Variants in PRIM2 observed in about 807,000 individuals in gnomAD.
The protein encoded by PRIM2 is DNA primase large subunit.
Under a neutral mutation model 67.3 loss-of-function variants are expected in PRIM2, and 39 were observed. The observed-to-expected ratio is 0.58, with a 90% confidence interval of 0.45 to 0.76. The LOEUF (loss-of-function observed/expected upper bound fraction) is 0.76. Ranked by LOEUF, PRIM2 falls within the 30% of genes least tolerant of loss-of-function variation. PRIM2 has a pLI of 0.00. For synonymous variants in PRIM2, 143 were observed against 198.7 expected, an observed-to-expected ratio of 0.72 and a Z score of 2.36; for missense variants, 398 against 598.7, an observed-to-expected ratio of 0.66 and a Z score of 3.50.
chr6:57,233,640 T>G, the PRIM2 span, among the ~76,000 whole-genome samples: 1 of 80,176 alleles, frequency 1.2e-5, no homozygotes, highest in African/African-American at 5.0e-5. Context: ...CCTCCCTCCC[T>G]CCCTTCCTTC....
At chr6:57,574,334 G>A (rs1440268117) in intron 10 of PRIM2, among the ~76,000 whole-genome samples, 3 of 151,752 alleles carry the variant, frequency 2.0e-5, no homozygotes, top group Non-Finnish European at 4.4e-5. Context: ...CACTTGCTTG[G>A]GCCGCTGCCA....
At chr6:57,375,383 A>G (rs1453385245) in intron 5 of PRIM2, among the ~76,000 whole-genome samples, 4 of 152,192 alleles carry the variant, frequency 2.6e-5, no homozygotes, top group African/African-American at 4.8e-5. Context: ...TGATTTGTGT[A>G]TGTTGAACCA....
Position 57,646,684 on chromosome 6 carries a change from G to GTGA in PRIM2, c.*529_*531dup, listed in dbSNP as rs1777342322. 6.6e-6 allele frequency: 1 copy of GTGA among 152,364 alleles called. No homozygotes were observed. Among genetic ancestry groups the GTGA allele is most frequent in the Non-Finnish European group, 1.5e-5 (1 of 68,198 alleles). 9.4% of individuals were successfully genotyped at this position (152,364 alleles called of 1,614,324 possible). ...GTTTCTATTAAAATCTGTCACTTGA[G>GTGA]TGATGTCATTTAAGTCCTATTTTAG... On this transcript the variant is annotated 3_prime_UTR_variant, in exon 14 of 14. Transcript: ENST00000615550.
intron 7 of PRIM2, among the ~76,000 whole-genome samples, chr6:57,459,201 G>C (rs1302004960): frequency 1.3e-5 from 2 of 152,196 alleles, no homozygotes; most frequent in Non-Finnish European, 2.9e-5. Flanking sequence ...TCACAGTTAT[G>C]ATGTGAGGAT....
At chr6:57,346,800 G>A (rs1768692103) in intron 5 of PRIM2, among the ~76,000 whole-genome samples, 2 of 152,254 alleles carry the variant, frequency 1.3e-5, no homozygotes, top group South Asian at 4.1e-4. Context: ...GAGGGCAAAT[G>A]GAGTTGTAAA....
chr6:57,289,944 C>A, the PRIM2 span, among the ~76,000 whole-genome samples: 1 of 152,086 alleles, frequency 6.6e-6, no homozygotes, highest in African/African-American at 2.4e-5. Context: ...GGACCAAATT[C>A]ACACATAACA....
chr6:57,619,961 C>G (rs2127496665), intron 12 of PRIM2, among the ~76,000 whole-genome samples: 1 of 152,278 alleles, frequency 6.6e-6, no homozygotes, highest in Admixed American at 6.5e-5. Context: ...CTTTGGGAGG[C>G]TGAGGCAGAT....
chr6:57,275,316 T>C, the PRIM2 span, among the ~76,000 whole-genome samples: 6 of 152,012 alleles, frequency 3.9e-5, no homozygotes, highest in South Asian at 2.1e-4. Context: ...TGAAACCCTG[T>C]CTCTACTAAA....
rs36197819 is a variant in PRIM2, at chr6:57,425,365, G to A, written c.693+43197G>A. Among the ~76,000 whole-genome samples the A allele has an allele frequency of 4.7e-4, 72 of 152,062 alleles. 1 individual carries two copies. The highest frequency in any genetic ancestry group is 1.2e-3 in the African/African-American group (49 of 41,508). On this transcript the variant is annotated intron_variant, in intron 7 of 13. Transcript: ENST00000615550. ...CTCCCAAGTAACTGGGACTACAGGC[G>A]CACATCACACCCAGCTAATTTTTGT...
At chr6:57,365,815 T>G (rs1350245639) in intron 5 of PRIM2, among the ~76,000 whole-genome samples, 1 of 151,968 alleles carries the variant, frequency 6.6e-6, no homozygotes, top group Non-Finnish European at 1.5e-5. Context: ...AAAAATCAGC[T>G]GGGCATGGTG....
At chr6:57,298,961 C>T in the PRIM2 span, among the ~76,000 whole-genome samples, 624 of 152,138 alleles carry the variant, frequency 4.1e-3, 1 homozygote, top group African/African-American at 0.013. Flanking sequence ...CTATTTCTTA[C>T]ACTAGGATTC....
chr6:57,550,301 C>T (rs1371244400), intron 10 of PRIM2, among the ~76,000 whole-genome samples: 3 of 152,054 alleles, frequency 2.0e-5, no homozygotes, highest in Non-Finnish European at 4.4e-5. Context: ...TTTAATTCTT[C>T]TCTTGATGCT....
chr6:57,543,871 ATAAATAT>A (rs1775231853), intron 10 of PRIM2, among the ~76,000 whole-genome samples: 1 of 152,220 alleles, frequency 6.6e-6, no homozygotes, highest in East Asian at 1.9e-4. Context: ...CATCCAAAGT[ATAAATAT>A]TAAAGTATTG....
intron 5 of PRIM2, among the ~76,000 whole-genome samples, chr6:57,349,456 A>G (rs1274894516): frequency 6.6e-6 from 1 of 150,536 alleles, no homozygotes; most frequent in African/African-American, 2.4e-5. Flanking sequence ...TTTGTTTTAA[A>G]TTTTTAAATA....
At chr6:57,439,565 G>A (rs1345803139) in intron 7 of PRIM2, among the ~76,000 whole-genome samples, 3 of 151,270 alleles carry the variant, frequency 2.0e-5, no homozygotes, top group Non-Finnish European at 2.9e-5. Flanking sequence ...ACAGGCACCC[G>A]CCACCACGCC....
chr6:57,466,927 C>A (rs1166211471), intron 7 of PRIM2, among the ~76,000 whole-genome samples: 2 of 152,098 alleles, frequency 1.3e-5, no homozygotes, highest in South Asian at 2.1e-4. Context: ...AAGAGACCAG[C>A]CTGACCAAAT....
At chr6:57,410,615 A>C (rs1205351154) in intron 7 of PRIM2, among the ~76,000 whole-genome samples, 1 of 151,928 alleles carries the variant, frequency 6.6e-6, no homozygotes, top group East Asian at 1.9e-4. Flanking sequence ...TGCTAAACTT[A>C]TTAATTTTAG....
intron 10 of PRIM2, among the ~76,000 whole-genome samples, chr6:57,587,809 T>A (rs1776220818): frequency 6.6e-6 from 1 of 151,538 alleles, no homozygotes; most frequent in African/African-American, 2.4e-5. Flanking sequence ...AATTGATAGA[T>A]CCTAGGAAGG....
At chr6:57,299,896 G>T in the PRIM2 span, among the ~76,000 whole-genome samples, 1 of 152,168 alleles carries the variant, frequency 6.6e-6, no homozygotes, top group African/African-American at 2.4e-5. Flanking sequence ...TTATTCTGCA[G>T]GCAGTGGAGG....
Sources: allele counts gnomAD v4.1 joint callset (sites outside exome capture counted in the v4.1 genomes callset), GRCh38; gene constraint gnomAD v4.1.1; transcripts MANE v1.5; gene names NCBI Gene and HGNC (gene_info 2026-07-23, HGNC 2026-07-21).